ADGRG4: variants seen among roughly 807,000 people sequenced by gnomAD.
ADGRG4 encodes the protein G protein-coupled receptor 112.
ADGRG4 carries 122 observed loss-of-function variants against 126.2 expected under a neutral mutation model. That is an observed-to-expected ratio of 0.97 (90% CI 0.83 to 1.12). ADGRG4 has a LOEUF of 1.12. ADGRG4 is among the 50% of genes most tolerant of loss of function. The probability of loss-of-function intolerance (pLI) is 0.00; values close to 1 mark genes in which losing one functional copy is unlikely to be tolerated. For synonymous variants in ADGRG4, 943 were observed against 838.7 expected (o/e 1.12, Z -2.15); for missense variants, 2,481 against 2,251.8 (o/e 1.10, Z -2.06).
At chrX:136,402,725 G>T in intron 21 of ADGRG4, among the ~76,000 whole-genome samples, 1 of 111,053 alleles carries the variant, frequency 9.0e-6, no homozygotes, top group Admixed American at 9.6e-5. Context: ...TGACTGAATT[G>T]AGTGGTTGTT....
intron 4 of ADGRG4, among the ~76,000 whole-genome samples, chrX:136,313,023 T>C (rs977123430): frequency 2.7e-5 from 3 of 112,630 alleles, no homozygotes; most frequent in Non-Finnish European, 3.7e-5. Context: ...TATTCAATGG[T>C]ATGGATATAC....
chrX:136,312,633 A>G (rs868383097), intron 4 of ADGRG4, among the ~76,000 whole-genome samples: 2 of 111,123 alleles, frequency 1.8e-5, no homozygotes, highest in Non-Finnish European at 3.8e-5. Flanking sequence ...TCCCTAAAAT[A>G]AAATAAAATA....
At chrX:136,368,963 C>A (rs1311945067) in intron 13 of ADGRG4, among the ~76,000 whole-genome samples, 1 of 112,328 alleles carries the variant, frequency 8.9e-6, no homozygotes, top group East Asian at 2.8e-4. Context: ...CACTACTGAG[C>A]CCACACCACT....
Position 136,371,468 on chromosome X carries a change from G to A in ADGRG4, c.7537G>A (p.Val2513Ile), listed in dbSNP as rs2075193841. The change falls in exon 14 of 26, where the codon GTT becomes ATT. Residue 2513 changes from valine (V) to isoleucine (I), a missense_variant. By Grantham distance (29) the Val-to-Ile change is conservative. Coordinates refer to ENST00000394143, the MANE Select transcript of ADGRG4 (RefSeq NM_153834.4). ...CDEISMNLTH[V>I]MLQIINVVLE... ...TGAGATAAGTATGAACCTAACTCAT[G>A]TTATGTTACAAATAATCAACGTTGT... The A allele has an allele frequency of 1.7e-6, 2 of 1,197,575 alleles. No homozygotes were observed. The highest frequency in any genetic ancestry group is 1.8e-5 in the African/African-American group (1 of 56,980).
chrX:136,335,414 G>A (rs2148459204), intron 5 of ADGRG4, among the ~76,000 whole-genome samples: 1 of 108,910 alleles, frequency 9.2e-6, no homozygotes, highest in East Asian at 2.9e-4. Context: ...GTAGGAAAGT[G>A]TTCCTCTTTT....
chrX:136,375,118 A>G (rs1356578575), intron 15 of ADGRG4, among the ~76,000 whole-genome samples: 2 of 111,127 alleles, frequency 1.8e-5, no homozygotes, highest in East Asian at 2.8e-4. Flanking sequence ...CCTACTTATA[A>G]GTGAGAATAT....
chrX:136,390,596 A>G (rs1415600246), intron 16 of ADGRG4, among the ~76,000 whole-genome samples: 1 of 111,507 alleles, frequency 9.0e-6, no homozygotes, highest in Non-Finnish European at 1.9e-5. Flanking sequence ...GGGCAAAGAG[A>G]AGGAGAGAAG....
Position 136,323,279 on chromosome X carries a change from T to C in ADGRG4, c.572T>C (p.Ile191Thr). The change falls in exon 5 of 26, where the codon ATC (isoleucine) becomes ACC (threonine). Residue 191 changes from isoleucine to threonine, a missense_variant. Coordinates refer to ENST00000394143, the MANE Select transcript of ADGRG4 (RefSeq NM_153834.4). ...SLYYFQLWDH[I>T]LENEEFMKCL... ...TACTACTTTCAACTCTGGGACCACA[T>C]CCTGGAAAACGAAGAGTTTATGAAG... 1 of 1,211,072 alleles carries C rather than the reference T, an allele frequency of 8.3e-7. No homozygotes were observed. Among genetic ancestry groups the C allele is most frequent in the Non-Finnish European group, 1.1e-6 (1 of 895,253 alleles).
rs766436205 is a variant in ADGRG4 at position 136,346,682 on chromosome X, T to C, written c.2976T>C (p.Asp992=). The C allele has an allele frequency of 8.3e-7, 1 of 1,211,068 alleles. No homozygotes were observed. Among genetic ancestry groups the C allele is most frequent in the Non-Finnish European group, 1.1e-6 (1 of 895,114 alleles). The stretch of plus-strand genomic sequence containing the variant: ...ACAGGACAGCTACGTCCTTGTCTGA[T>C]GGTATCTTACCTCCACAGCCTACAG... ...PTDRTATSLS[D]GILPPQPTAA... Residue 992 remains aspartate, a synonymous_variant, in exon 6 of 26, where the codon GAT becomes GAC. Coordinates refer to ENST00000394143, the MANE Select transcript of ADGRG4 (RefSeq NM_153834.4).
chrX:136,406,631 G>A (rs960158974), intron 23 of ADGRG4, among the ~76,000 whole-genome samples: 3 of 112,178 alleles, frequency 2.7e-5, no homozygotes, highest in African/African-American at 9.7e-5. Flanking sequence ...TAAAAGCTAG[G>A]GGCCGGGTGT....
chrX:136,397,083 C>A (rs768183444), intron 19 of ADGRG4, among the ~76,000 whole-genome samples: 1 of 111,330 alleles, frequency 9.0e-6, no homozygotes, highest in East Asian at 2.8e-4. Context: ...GCCACCCCGC[C>A]CGGCCCCAAA....
At chrX:136,352,958 C>T (rs2075071658) in intron 7 of ADGRG4, among the ~76,000 whole-genome samples, 1 of 111,848 alleles carries the variant, frequency 8.9e-6, no homozygotes, top group African/African-American at 3.3e-5. Flanking sequence ...AGATGGCCAT[C>T]TTCTTAACTG....
chrX:136,361,365 ATAT>A (rs1458863088), intron 11 of ADGRG4, 87 bp from the exon 12 acceptor site: 1 of 284,869 alleles, frequency 3.5e-6, no homozygotes, highest in Non-Finnish European at 5.3e-6. Flanking sequence ...ATATAATATT[ATAT>A]TATTATATAG....
intron 15 of ADGRG4, among the ~76,000 whole-genome samples, chrX:136,383,056 C>T (rs980004940): frequency 9.0e-6 from 1 of 111,137 alleles, no homozygotes; most frequent in African/African-American, 3.3e-5. Context: ...ATATATTGGA[C>T]GCTGATTTAG....
rs376626880 is a variant in ADGRG4 at position 136,348,430 on chromosome X, C to T, written c.4724C>T (p.Ala1575Val). ...IPVNNSAFTP[A>V]TVSSDTSTRV... ...GTTAATAACTCTGCTTTCACACCTG[C>T]AACAGTCTCTTCTGACACTTCCACA... is the stretch of plus-strand genomic sequence containing the variant. Residue 1575 changes from alanine (A) to valine (V), a missense_variant, in exon 6 of 26, where the codon GCA becomes GTA. Ala to Val is a moderately conservative substitution (Grantham distance 64). Coordinates refer to ENST00000394143, the MANE Select transcript of ADGRG4 (RefSeq NM_153834.4). 54 of 1,206,011 alleles carry T rather than the reference C, an allele frequency of 4.5e-5. No individual in the cohort carries two copies. Among genetic ancestry groups the T allele is most frequent in the Admixed American group, 6.6e-5 (3 of 45,736 alleles).
chrX:136,374,996 C>T (rs1249122156), intron 15 of ADGRG4, among the ~76,000 whole-genome samples: 1 of 110,305 alleles, frequency 9.1e-6, no homozygotes, highest in Non-Finnish European at 1.9e-5. Flanking sequence ...GCAGTATACA[C>T]TCTGTCCCCA....
chrX:136,350,197 C>A lies in ADGRG4; in HGVS notation c.6491C>A (p.Ser2164Ter), dbSNP rs779998028. 1.4e-5 allele frequency: 17 copies of A among 1,209,197 alleles called. No homozygotes were observed. The highest frequency in any genetic ancestry group is 1.8e-5 in the Non-Finnish European group (16 of 893,295). ...SSWNRIPTASSPSTLIIPKPT... is the reference protein window; with the variant it reads ...SSWNRIPTAS Reference sequence around the variant, plus strand: ...TGGAACAGAATTCCAACTGCATCATCACCCTCTACTTTAATTATTCCTAAG... The same window carrying A: ...TGGAACAGAATTCCAACTGCATCATAACCCTCTACTTTAATTATTCCTAAG... Residue 2164 changes from serine (S) to a stop codon, truncating the protein, a stop_gained, in exon 6 of 26, where the codon TCA (serine) becomes TAA (stop). Coordinates refer to ENST00000394143, the MANE Select transcript of ADGRG4 (RefSeq NM_153834.4). LOFTEE classifies it high-confidence loss of function.
chrX:136,330,467 T>C (rs761336099), intron 5 of ADGRG4, among the ~76,000 whole-genome samples: 15 of 110,294 alleles, frequency 1.4e-4, no homozygotes, highest in Admixed American at 3.9e-4. Context: ...CTCATTTCCA[T>C]TGCTGAGTAG....
chrX:136,314,293 A>G (rs527538207), intron 4 of ADGRG4, among the ~76,000 whole-genome samples: 1 of 111,484 alleles, frequency 9.0e-6, no homozygotes, highest in East Asian at 2.8e-4. Flanking sequence ...AAACTTGCCA[A>G]TAAGTTCCTA....
Sources: gnomAD v4.1 joint callset for allele counts (sites outside exome capture counted in the v4.1 genomes callset) on GRCh38, gnomAD v4.1.1 for gene constraint, MANE v1.5 for transcripts, NCBI Gene and HGNC (gene_info 2026-07-23, HGNC 2026-07-21) for gene names.